DNAH5: variants seen among roughly 807,000 people sequenced by gnomAD.
DNAH5 encodes dynein axonemal heavy chain 5.
In DNAH5, 372 loss-of-function variants were observed where a neutral mutation model predicts 518.2. That is an observed-to-expected ratio of 0.72 (90% confidence interval 0.66 to 0.78). The LOEUF is 0.78. Among genes scored for constraint, DNAH5 ranks in the 30% least tolerant of loss-of-function variants. The probability of loss-of-function intolerance (pLI) is 0.00; values close to 1 mark genes in which losing one functional copy is unlikely to be tolerated. For synonymous variants in DNAH5, 2,039 were observed against 2,025.9 expected (o/e 1.01, Z -0.17); for missense variants, 5,523 against 5,687.0 (o/e 0.97, Z 0.93).
intron 17 of DNAH5, 21 bp from the exon 18 acceptor site, chr5:13,886,150 A>G: frequency 6.4e-7 from 1 of 1,567,690 alleles, no homozygotes; most frequent in East Asian, 2.3e-5. Context: ...AAAAAAAAAA[A>G]AAAAGATAGC....
chr5:13,790,026 C>G (rs1756702494), intron 50 of DNAH5, among the ~76,000 whole-genome samples: 2 of 152,096 alleles, frequency 1.3e-5, no homozygotes, highest in Non-Finnish European at 2.9e-5. Context: ...GTCAGAAAGG[C>G]TATTATTAAA....
chr5:13,786,331 C>T lies in DNAH5; in HGVS notation c.8668G>A (p.Asp2890Asn). The T allele has an allele frequency of 6.2e-7, 1 of 1,614,086 alleles. No individual in the cohort carries two copies. The highest frequency in any genetic ancestry group is 1.1e-5 in the South Asian group (1 of 91,078). Reference sequence around the variant, plus strand: ...TCATAAATTTTAGGTGTTTCAGCATCAGCCTCTTCAGATGTTTCACCTTTG... The same window carrying T: ...TCATAAATTTTAGGTGTTTCAGCATTAGCCTCTTCAGATGTTTCACCTTTG... ...EAAGETSEEA[D>N]AETPKIYEPI... is the part of the protein sequence containing the mutation. The change falls in exon 52 of 79, where the codon GAT (aspartate) becomes AAT (asparagine). Residue 2890 changes from aspartate (D) to asparagine (N), a missense_variant. Physicochemically the swap from Asp to Asn is conservative, Grantham distance 23. Coordinates refer to ENST00000265104, the MANE Select transcript of DNAH5 (RefSeq NM_001369.3).
intron 1 of DNAH5, among the ~76,000 whole-genome samples, chr5:13,940,940 T>C (rs981339704): frequency 6.6e-6 from 1 of 152,212 alleles, no homozygotes; most frequent in Non-Finnish European, 1.5e-5. Flanking sequence ...CCAAGAGAGA[T>C]TTGTGGAATG....
intron 1 of DNAH5, among the ~76,000 whole-genome samples, chr5:13,953,760 T>C (rs1780583502): frequency 6.6e-6 from 1 of 152,170 alleles, no homozygotes; most frequent in East Asian, 1.9e-4. Context: ...CAGGCTAGAG[T>C]GCAATGGCGC....
intron 1 of DNAH5, among the ~76,000 whole-genome samples, chr5:13,952,115 C>T (rs1037755303): frequency 2.9e-5 from 3 of 103,612 alleles, no homozygotes; most frequent in Non-Finnish European, 5.9e-5. Context: ...AACATCACCC[C>T]ATCAGAAGCA....
intron 70 of DNAH5, among the ~76,000 whole-genome samples, chr5:13,722,573 C>T (rs1745197682): frequency 2.0e-5 from 3 of 152,190 alleles, no homozygotes; most frequent in African/African-American, 7.2e-5. Flanking sequence ...TTTCTGATTC[C>T]ACCTGGTGTG....
chr5:13,952,393 A>T lies in DNAH5; in HGVS notation c.13-21149T>A, dbSNP rs571791831. Among the ~76,000 whole-genome samples the T allele has an allele frequency of 7.7e-4, 117 of 152,340 alleles. 1 individual carries two copies. The highest frequency in any genetic ancestry group is 7.6e-3 in the Admixed American group (116 of 15,306). The stretch of plus-strand genomic sequence containing the variant: ...AGTTCTGTCTCTGAAAAGCTTAAAA[A>T]TAGGCTCAGGGAGACATCAAAGGAA... On this transcript the variant is annotated intron_variant, in intron 1 of 78. Transcript: ENST00000681290.
chr5:13,794,690 G>A (rs1054498036), intron 47 of DNAH5, among the ~76,000 whole-genome samples: 13 of 152,212 alleles, frequency 8.5e-5, no homozygotes, highest in Non-Finnish European at 1.5e-5. Flanking sequence ...TTGAGGCCGG[G>A]CACGGTGGCT....
In DNAH5 at chr5:13,982,431, T is replaced by G. The variant is rs539579330; in HGVS notation, c.12+29217A>C. The stretch of plus-strand genomic sequence containing the variant: ...GCACTATTGCATGAGTGAGTAGACA[T>G]ATGCACTATTGCATGAGTGAGTAGA... On this transcript the variant is annotated intron_variant, in intron 1 of 78. Transcript: ENST00000681290. Among the ~76,000 whole-genome samples, 583 of 151,146 alleles carry G rather than the reference T, an allele frequency of 3.9e-3. 3 individuals are homozygous for G. The highest frequency in any genetic ancestry group is 0.013 in the African/African-American group (555 of 41,482).
At chr5:13,713,444 T>TATATATATATATATACATCGAC (rs1561094223) in intron 75 of DNAH5, among the ~76,000 whole-genome samples, 17 of 125,646 alleles carry the variant, frequency 1.4e-4, no homozygotes, top group African/African-American at 5.6e-4. Flanking sequence ...CATATATATA[T>TATATATATATATATACATCGAC]ATATATATAT....
At chr5:13,748,504 T>C (rs1395602900) in intron 65 of DNAH5, among the ~76,000 whole-genome samples, 5 of 152,156 alleles carry the variant, frequency 3.3e-5, no homozygotes, top group African/African-American at 4.8e-5. Context: ...ATTCTTCCTA[T>C]CCATGAGCAT....
intron 1 of DNAH5, among the ~76,000 whole-genome samples, chr5:13,957,769 T>C (rs1780862322): frequency 6.6e-6 from 1 of 151,696 alleles, no homozygotes; most frequent in Non-Finnish European, 1.5e-5. Flanking sequence ...TCATCTTTTC[T>C]TTAAGATCAT....
At chr5:13,930,993 C>T (rs1304473562) in intron 2 of DNAH5, 117 bp downstream of exon 2, 2 of 1,492,350 alleles carry the variant, frequency 1.3e-6, no homozygotes, top group Admixed American at 1.7e-5. Context: ...GGAGCCCTGT[C>T]CACGTTAAGA....
chr5:13,838,582 C>A (rs185790487), intron 35 of DNAH5, among the ~76,000 whole-genome samples: 1 of 152,260 alleles, frequency 6.6e-6, no homozygotes, highest in East Asian at 1.9e-4. Flanking sequence ...CCCATCACCC[C>A]CAGATGGGAC....
intron 1 of DNAH5, among the ~76,000 whole-genome samples, chr5:13,979,582 G>A (rs1782521511): frequency 6.6e-6 from 1 of 152,042 alleles, no homozygotes; most frequent in Admixed American, 6.6e-5. Flanking sequence ...TCATCAAAAT[G>A]CCTCTAAACA....
At chr5:13,735,995 G>C in intron 66 of DNAH5, 63 bp from the exon 67 acceptor site, 1 of 1,309,884 alleles carries the variant, frequency 7.6e-7, no homozygotes, top group Non-Finnish European at 1.1e-6. Flanking sequence ...TCCATGCAAA[G>C]AGATCAGCCT....
intron 1 of DNAH5, among the ~76,000 whole-genome samples, chr5:13,991,491 G>GAGGAGGAACAGAAGGAGA (rs1783537116): frequency 6.9e-6 from 1 of 145,112 alleles, no homozygotes; most frequent in Admixed American, 6.9e-5. Context: ...GTGGAAGGAG[G>GAGGAGGAACAGAAGGAGA]AGGAGGAACA....
intron 12 of DNAH5, among the ~76,000 whole-genome samples, chr5:13,910,617 T>C (rs1254553500): frequency 1.3e-5 from 2 of 152,198 alleles, no homozygotes; most frequent in Non-Finnish European, 2.9e-5. Context: ...TTCATTATGG[T>C]AGATACCTGC....
chr5:13,834,103 C>T (rs1764050025), intron 35 of DNAH5, among the ~76,000 whole-genome samples: 1 of 152,208 alleles, frequency 6.6e-6, no homozygotes, highest in Non-Finnish European at 1.5e-5. Context: ...TAATAACTCA[C>T]TTCCCACATA....
Sources: allele counts gnomAD v4.1 joint callset (sites outside exome capture counted in the v4.1 genomes callset), GRCh38; gene constraint gnomAD v4.1.1; transcripts MANE v1.5; gene names NCBI Gene and HGNC (gene_info 2026-07-23, HGNC 2026-07-21).